The following C17orf107 variants were observed in gnomAD, a reference collection of about 807,000 sequenced individuals.
C17orf107 encodes the protein chromosome 17 open reading frame 107, also known as uncharacterized protein C17orf107.
In C17orf107, 9 loss-of-function variants were observed where a neutral mutation model predicts 8.9. The ratio of observed to expected loss-of-function variants is 1.02; its 90% CI spans 0.61 to 1.77. The LOEUF (loss-of-function observed/expected upper bound fraction) is 1.77, where lower values mean the gene tolerates loss of function less well. Among genes scored for constraint, C17orf107 ranks in the 40% most tolerant of loss-of-function variants. The probability of loss-of-function intolerance (pLI) is 0.00; values close to 1 mark genes in which losing one functional copy is unlikely to be tolerated. For missense variants in C17orf107, 281 were observed against 249.0 expected (o/e 1.13, Z -0.86); for synonymous variants, 139 against 120.3 (o/e 1.16, Z -1.02).
downstream of C17orf107, among the ~76,000 whole-genome samples, chr17:4,903,397 A>T (rs1337427960): frequency 6.6e-6 from 1 of 152,144 alleles, no homozygotes; most frequent in African/African-American, 2.4e-5. Context: ...TTCAGCAGGC[A>T]CTGTTGTCCT....
Position 4,901,949 on chromosome 17 carries a change from G to C in C17orf107, c.*1416G>C. The C allele has an allele frequency of 6.2e-7, 1 of 1,607,222 alleles. No individual in the cohort carries two copies. Among genetic ancestry groups the C allele is most frequent in the Non-Finnish European group, 8.5e-7 (1 of 1,176,350 alleles). The stretch of plus-strand genomic sequence containing the variant: ...CTTCCCACCGGAAAATAAGCGAACA[G>C]TTCTGCCAATCGAAGGGGAAGTAGG... On this transcript the variant is annotated 3_prime_UTR_variant, in exon 3 of 3. Transcript: ENST00000381365.
rs1323784453 is a variant in C17orf107 at position 4,900,724 on chromosome 17, G to A, written c.*191G>A. ...GCGAGACAGCCAGAGCTTTTCCCGG[G>A]GTCTCTGGGTTTTGGCCACGCCCCC... On this transcript the variant is annotated 3_prime_UTR_variant, in exon 3 of 3. Transcript: ENST00000381365. The A allele has an allele frequency of 7.3e-6, 11 of 1,512,300 alleles. No individual in the cohort carries two copies. The East Asian group carries it at 2.2e-4, about 30-fold the overall frequency. 93.7% of individuals were successfully genotyped at this position (1,512,300 alleles called of 1,614,324 possible).
Position 4,900,549 on chromosome 17 carries a change from G to A in C17orf107, c.*16G>A, listed in dbSNP as rs1385232788. The A allele has an allele frequency of 6.5e-7, 1 of 1,550,360 alleles. No individual in the cohort carries two copies. Among genetic ancestry groups the A allele is most frequent in the East Asian group, 2.4e-5 (1 of 40,940 alleles). ...GGTGAGTTAGGGGCCAGAGGCGGCG[G>A]GGCTAGGGAGGCACTGAGCCGGACT... On this transcript the variant is annotated 3_prime_UTR_variant, in exon 3 of 3. Transcript: ENST00000381365.
At position 4,900,556 on chromosome 17, in the gene C17orf107, G is replaced by A; in HGVS notation, c.*23G>A. On this transcript the variant is annotated 3_prime_UTR_variant, in exon 3 of 3. Transcript: ENST00000381365. ...TAGGGGCCAGAGGCGGCGGGGCTAG[G>A]GAGGCACTGAGCCGGACTGTCCCCC... 6.5e-7 allele frequency: 1 copy of A among 1,550,338 alleles called. No homozygotes were observed. The highest frequency in any genetic ancestry group is 2.4e-5 in the East Asian group (1 of 40,926).
At position 4,899,599 on chromosome 17, in the gene C17orf107, G is replaced by T; in HGVS notation, c.-164G>T. 2 of 1,538,402 alleles carry T rather than the reference G, an allele frequency of 1.3e-6. No individual in the cohort carries two copies. Among genetic ancestry groups the T allele is most frequent in the Non-Finnish European group, 1.8e-6 (2 of 1,130,964 alleles). ...ATAAGGAACCTGAGGAGCCCGGAAG[G>T]CATGACATCACCGTTCCTCCTCCCA... On this transcript the variant is annotated 5_prime_UTR_variant, in exon 1 of 3. Coordinates refer to ENST00000381365, the MANE Select transcript of C17orf107 (RefSeq NM_001145536.2).
downstream of C17orf107, among the ~76,000 whole-genome samples, chr17:4,905,373 A>AC (rs1236144528): frequency 5.3e-5 from 8 of 151,420 alleles, no homozygotes; most frequent in African/African-American, 9.8e-5. Flanking sequence ...ACACAGTGAG[A>AC]CCCCCCATCT....
At position 4,900,230 on chromosome 17, in the gene C17orf107, A is replaced by G. The variant is rs1426663224; in HGVS notation, c.277-7A>G. The G allele has an allele frequency of 1.9e-5, 30 of 1,547,150 alleles. No individual in the cohort carries two copies. Among genetic ancestry groups the G allele is most frequent in the Non-Finnish European group, 2.6e-5 (30 of 1,146,004 alleles). On this transcript the variant is annotated splice_region_variant and splice_polypyrimidine_tract_variant and intron_variant, in intron 2 of 2. Transcript: ENST00000381365. Reference sequence around the variant, plus strand: ...CCTCCCCGCTAACCCCTGTGCCCCCAATGCAGATCTCAGCCCTGTGGCTGC... The same window carrying G: ...CCTCCCCGCTAACCCCTGTGCCCCCGATGCAGATCTCAGCCCTGTGGCTGC...
chr17:4,901,053 T>C lies in C17orf107; in HGVS notation c.*520T>C. 6.2e-7 allele frequency: 1 copy of C among 1,613,916 alleles called. No homozygotes were observed. The highest frequency in any genetic ancestry group is 8.5e-7 in the Non-Finnish European group (1 of 1,179,958). On this transcript the variant is annotated 3_prime_UTR_variant, in exon 3 of 3. Transcript: ENST00000381365. ...GAGATGAGCACACAGGGCACGATGA[T>C]GTTAATGACGTAGAAGAGCGGCTTC...
At chr17:4,906,271 ACAC>A (rs1970091675), downstream of C17orf107, among the ~76,000 whole-genome samples, 1 of 152,160 alleles carries the variant, frequency 6.6e-6, no homozygotes, top group South Asian at 2.1e-4. Context: ...GCAGGCCCTG[ACAC>A]CACATGTCTG....
In C17orf107 at chr17:4,901,696, A is replaced by T; in HGVS notation, c.*1163A>T. On this transcript the variant is annotated 3_prime_UTR_variant, in exon 3 of 3. Coordinates refer to ENST00000381365, the MANE Select transcript of C17orf107 (RefSeq NM_001145536.2). The stretch of plus-strand genomic sequence containing the variant: ...GCCCCGGCCTCAGGCCCAGCCCTGG[A>T]AGCTGGGATCTAGCGGGGCCGCGAT... 3 of 1,475,190 alleles carry T rather than the reference A, an allele frequency of 2.0e-6. No individual in the cohort carries two copies. The highest frequency in any genetic ancestry group is 4.5e-5 in the East Asian group (2 of 44,048). 91.4% of individuals were successfully genotyped at this position (1,475,190 alleles called of 1,614,324 possible).
At position 4,900,136 on chromosome 17, in the gene C17orf107, C is replaced by T. The variant is rs1197613530; in HGVS notation, c.267C>T (p.Thr89=). 13 of 1,550,244 alleles carry T rather than the reference C, an allele frequency of 8.4e-6. No homozygotes were observed. The highest frequency in any genetic ancestry group is 2.4e-5 in the East Asian group (1 of 40,920). ...ATASLVSFGT[T]LLEISALWLQ... ...CCAGCCTCGTGAGCTTCGGCACCAC[C>T]TTGTTAGAGGTGGGGTACTGGGGGG... Residue 89 remains threonine, a synonymous_variant, in exon 2 of 3, where the codon ACC becomes ACT. Transcript: ENST00000381365.
At chr17:4,899,874 A>G (rs1597616511) in intron 1 of C17orf107, 46 bp downstream of exon 1, 3 of 1,548,810 alleles carry the variant, frequency 1.9e-6, no homozygotes, top group East Asian at 2.4e-5. Flanking sequence ...CCTTCTGGGT[A>G]GGTCTCCTGT....
chr17:4,899,873 T>C lies in C17orf107; in HGVS notation c.66+45T>C, dbSNP rs554023721. ...GGGCTGCACCTCGAGACCTTCTGGG[T>C]AGGTCTCCTGTTCGCCCCTGTGACC... is the stretch of plus-strand genomic sequence containing the variant. On this transcript the variant is annotated intron_variant, in intron 1 of 2. Coordinates refer to ENST00000381365, the MANE Select transcript of C17orf107 (RefSeq NM_001145536.2). 2.6e-6 allele frequency: 4 copies of C among 1,543,260 alleles called. No individual in the cohort carries two copies. In the East Asian group the frequency reaches 7.3e-5, roughly 28 times the overall value.
Position 4,900,547 on chromosome 17 carries a change from C to A in C17orf107, c.*14C>A. ...GGGGTGAGTTAGGGGCCAGAGGCGGCGGGGCTAGGGAGGCACTGAGCCGGA... is the reference window on the plus strand; with the variant it reads ...GGGGTGAGTTAGGGGCCAGAGGCGGAGGGGCTAGGGAGGCACTGAGCCGGA... On this transcript the variant is annotated 3_prime_UTR_variant, in exon 3 of 3. Coordinates refer to ENST00000381365, the MANE Select transcript of C17orf107 (RefSeq NM_001145536.2). 6.4e-7 allele frequency: 1 copy of A among 1,550,428 alleles called. No individual in the cohort carries two copies. Among genetic ancestry groups the A allele is most frequent in the Non-Finnish European group, 8.7e-7 (1 of 1,146,910 alleles).
chr17:4,901,481 ACC>A lies in C17orf107; in HGVS notation c.*951_*952del, dbSNP rs1331720309. 46 of 1,578,328 alleles carry A rather than the reference ACC, an allele frequency of 2.9e-5. No individual in the cohort carries two copies. Among genetic ancestry groups the A allele is most frequent in the Non-Finnish European group, 3.7e-5 (42 of 1,147,636 alleles). ...CCCACCGTGGAAGTCCCCTCTCTGG[ACC>A]CCGTCTAGAAGCGGGTTTTTCTGAG... On this transcript the variant is annotated 3_prime_UTR_variant, in exon 3 of 3. Coordinates refer to ENST00000381365, the MANE Select transcript of C17orf107 (RefSeq NM_001145536.2).
chr17:4,901,085 A>C lies in C17orf107; in HGVS notation c.*552A>C. The C allele has an allele frequency of 6.2e-7, 1 of 1,613,752 alleles. No homozygotes were observed. The highest frequency in any genetic ancestry group is 8.5e-7 in the Non-Finnish European group (1 of 1,179,914). On this transcript the variant is annotated 3_prime_UTR_variant, in exon 3 of 3. Transcript: ENST00000381365. ...GACGTAGAAGAGCGGCTTCCGGCGG[A>C]TGATGAGCGAGTAGATGACGTCAGT... is the stretch of plus-strand genomic sequence containing the variant.
downstream of C17orf107, chr17:4,903,145 A>T (rs1970041596): frequency 1.4e-6 from 2 of 1,412,540 alleles, no homozygotes; most frequent in Non-Finnish European, 2.0e-6. Context: ...GAGGGGGAGG[A>T]GGGTGTTAGT....
downstream of C17orf107, chr17:4,903,121 C>T (rs1259013121): frequency 6.4e-5 from 101 of 1,590,094 alleles, no homozygotes; most frequent in Admixed American, 1.7e-3. Flanking sequence ...GGGGGCATGC[C>T]AGGGTGCCTG....
chr17:4,899,766 A>AG lies in C17orf107; in HGVS notation c.4_5insG (p.Lys2ArgfsTer41). ...TGTCCTACCACTTGTGGCGGCCATG[A>AG]AGGGGACCCCCAGCTCCCTGGACAC... On this transcript the variant is annotated frameshift_variant, in exon 1 of 3. Coordinates refer to ENST00000381365, the MANE Select transcript of C17orf107 (RefSeq NM_001145536.2). LOFTEE classifies it high-confidence loss of function. 1.9e-6 allele frequency: 3 copies of AG among 1,551,140 alleles called. No individual in the cohort carries two copies. The South Asian group carries it at 3.6e-5, about 18-fold the overall frequency.
Sources: gnomAD v4.1 joint callset for allele counts (sites outside exome capture counted in the v4.1 genomes callset) on GRCh38, gnomAD v4.1.1 for gene constraint, MANE v1.5 for transcripts, NCBI Gene and HGNC (gene_info 2026-07-23, HGNC 2026-07-21) for gene names.